Variants in CSNK1D observed in about 807,000 individuals in gnomAD.
CSNK1D encodes the protein casein kinase I isoform delta.
A neutral mutation model predicts 46.6 loss-of-function variants in CSNK1D; 16 were observed. That is an observed-to-expected ratio of 0.34 (90% CI 0.23 to 0.52). The LOEUF is 0.52. CSNK1D is among the 20% of genes least tolerant of loss of function. CSNK1D has a pLI of 0.95. For synonymous variants in CSNK1D, 276 were observed against 228.2 expected (o/e 1.21, Z -1.89); for missense variants, 398 against 578.4 (o/e 0.69, Z 3.20).
In CSNK1D at chr17:82,260,328, G is replaced by GACT. The variant is rs1037113663; in HGVS notation, c.188-4754_188-4752dup. ...TGACTGATGGTGTACTGAGTGATGT[G>GACT]ACTGATGGTGTACTGACTGATGTGA... On this transcript the variant is annotated intron_variant, in intron 2 of 8. Transcript: ENST00000314028. Among the ~76,000 whole-genome samples the GACT allele has an allele frequency of 5.0e-5, 7 of 139,302 alleles. No homozygotes were observed. The East Asian group carries it at 5.8e-4, about 12-fold the overall frequency. The allele number at this position is 139,302 out of a possible 152,430, so 91.4% of individuals were successfully genotyped here.
chr17:82,240,253 T>C (rs1357914485), downstream of CSNK1D, among the ~76,000 whole-genome samples: 4 of 152,176 alleles, frequency 2.6e-5, no homozygotes, highest in Admixed American at 6.5e-5. Context: ...GGTCAGACTC[T>C]GCACAGCTAG....
In CSNK1D at chr17:82,243,291, C is replaced by T; in HGVS notation, c.*1490G>A. 2 of 985,522 alleles carry T rather than the reference C, an allele frequency of 2.0e-6. No individual in the cohort carries two copies. Among genetic ancestry groups the T allele is most frequent in the Non-Finnish European group, 2.4e-6 (2 of 829,986 alleles). 61.0% of individuals were successfully genotyped at this position (985,522 alleles called of 1,614,324 possible). A position where few individuals can be genotyped will look rare whatever the true frequency, so the allele number is the denominator to read the frequency against. ...AACCAAGGTGCACACCTTCGAAGCC[C>T]TAGAGTCCAAAGGGAACATCGTCCA... On this transcript the variant is annotated 3_prime_UTR_variant, in exon 9 of 9. Transcript: ENST00000314028.
intron 2 of CSNK1D, among the ~76,000 whole-genome samples, chr17:82,263,065 A>C (rs1235378194): frequency 1.3e-5 from 2 of 152,198 alleles, no homozygotes; most frequent in African/African-American, 4.8e-5. Flanking sequence ...CTGTAATCCC[A>C]GCTACTCCAG....
chr17:82,249,927 C>G lies in CSNK1D; in HGVS notation c.886-325G>C, dbSNP rs918938026. 9 of 1,301,542 alleles carry G rather than the reference C, an allele frequency of 6.9e-6. No homozygotes were observed. In the African/African-American group the frequency reaches 1.4e-4, roughly 20 times the overall value. The allele number at this position is 1,301,542 out of a possible 1,614,324, so 80.6% of individuals were successfully genotyped here. ...TGCTCTGTGAACATGCTCACTAACACGTGCAGAAAGAGGAGAGGGACAGGA... is the reference window on the plus strand; with the variant it reads ...TGCTCTGTGAACATGCTCACTAACAGGTGCAGAAAGAGGAGAGGGACAGGA... On this transcript the variant is annotated intron_variant, in intron 6 of 8. Transcript: ENST00000314028. This position sits in a 1 kb window ranked among gnomAD's most constrained non-coding sequence, Gnocchi z 6.7.
At position 82,273,517 on chromosome 17, in the gene CSNK1D, G is replaced by A. The variant is rs1002195162; in HGVS notation, c.-136C>T. 4 of 1,087,102 alleles carry A rather than the reference G, an allele frequency of 3.7e-6. No homozygotes were observed. The highest frequency in any genetic ancestry group is 1.4e-5 in the South Asian group (1 of 70,104). The allele number at this position is 1,087,102 out of a possible 1,614,324, so 67.3% of individuals were successfully genotyped here. ...CCCTCACGGCCCCGCTTTCACCATC[G>A]CTTTCCTGTCGCCCCGCCGCTCCCA... On this transcript the variant is annotated 5_prime_UTR_variant, in exon 1 of 9. Coordinates refer to ENST00000314028, the MANE Select transcript of CSNK1D (RefSeq NM_001893.6). This position sits in a 1 kb window ranked among gnomAD's most constrained non-coding sequence, Gnocchi z 5.1.
chr17:82,252,195 C>T lies in CSNK1D; in HGVS notation c.736+239G>A, dbSNP rs1470142259. ...CTGAGGCTCGGGCCTGCCTTGCCTG[C>T]CATCTCTCCAGGGCCTCCAAGTACT... On this transcript the variant is annotated intron_variant, in intron 5 of 8. Coordinates refer to ENST00000314028, the MANE Select transcript of CSNK1D (RefSeq NM_001893.6). This position sits in a 1 kb window ranked among gnomAD's most constrained non-coding sequence, Gnocchi z 4.6. Among the ~76,000 whole-genome samples the T allele has an allele frequency of 1.3e-5, 2 of 152,222 alleles. No homozygotes were observed. Among genetic ancestry groups the T allele is most frequent in the African/African-American group, 2.4e-5 (1 of 41,452 alleles).
At chr17:82,259,551 G>A (rs985831689) in intron 2 of CSNK1D, among the ~76,000 whole-genome samples, 8 of 152,214 alleles carry the variant, frequency 5.3e-5, no homozygotes, top group Admixed American at 1.3e-4. Context: ...CTGCAGAACT[G>A]GACATTTGCA....
rs768375287 is a variant in CSNK1D at position 82,253,183 on chromosome 17, T to G, written c.398A>C (p.Asn133Thr). Residue 133 changes from asparagine to threonine, a missense_variant, in exon 4 of 9, where the codon AAC becomes ACC. Coordinates refer to ENST00000314028, the MANE Select transcript of CSNK1D (RefSeq NM_001893.6). ...CTTCTTCCCCAGGCCCATGAGGAAG[T>G]TGTCTGGCTTCACATCCCGGTGGAT... is the stretch of plus-strand genomic sequence containing the variant. Reference protein sequence around the residue: ...NFIHRDVKPDNFLMGLGKKGN... With the variant: ...NFIHRDVKPDTFLMGLGKKGN... The G allele has an allele frequency of 6.2e-7, 1 of 1,614,016 alleles. No homozygotes were observed.
In CSNK1D at chr17:82,253,179, G is replaced by A. The variant is rs531474812; in HGVS notation, c.402C>T (p.Phe134=). 2.2e-5 allele frequency: 35 copies of A among 1,614,018 alleles called. No individual in the cohort carries two copies. The South Asian group carries it at 3.6e-4, about 17-fold the overall frequency. Residue 134 remains phenylalanine (F), a synonymous_variant, in exon 4 of 9, where the codon TTC becomes TTT. Coordinates refer to ENST00000314028, the MANE Select transcript of CSNK1D (RefSeq NM_001893.6). The part of the protein sequence containing the change: ...FIHRDVKPDN[F]LMGLGKKGNL... ...TGCCCTTCTTCCCCAGGCCCATGAG[G>A]AAGTTGTCTGGCTTCACATCCCGGT...
intron 8 of CSNK1D, chr17:82,246,444 G>C: frequency 4.3e-6 from 5 of 1,157,156 alleles, no homozygotes; most frequent in Non-Finnish European, 5.4e-6. Flanking sequence ...CTGGGCAGGA[G>C]TTGATCAAAG....
Position 82,252,983 on chromosome 17 carries a change from C to A in CSNK1D, c.565+33G>T. 1 of 1,601,244 alleles carries A rather than the reference C, an allele frequency of 6.2e-7. No homozygotes were observed. Among genetic ancestry groups the A allele is most frequent in the African/African-American group, 1.3e-5 (1 of 74,796 alleles). ...GAGGCATGGACGCGCCCAAAGGCAC[C>A]CCAGGTCAGTGACCCCATGCCCAGG... On this transcript the variant is annotated intron_variant, in intron 4 of 8. Transcript: ENST00000314028. This position sits in a 1 kb window ranked among gnomAD's most constrained non-coding sequence, Gnocchi z 4.6.
downstream of CSNK1D, among the ~76,000 whole-genome samples, chr17:82,241,933 A>T (rs1232896201): frequency 1.3e-5 from 2 of 152,086 alleles, no homozygotes; most frequent in African/African-American, 2.4e-5. Context: ...TCTTAGAGCA[A>T]CCTCCAGGCA....
intron 1 of CSNK1D, chr17:82,267,080 AAG>A (rs2051495486): frequency 2.0e-5 from 3 of 151,082 alleles, no homozygotes; most frequent in Admixed American, 1.3e-4. Flanking sequence ...AAAAAAAAAA[AAG>A]GACACTGGAT....
In CSNK1D at chr17:82,257,436, G is replaced by GT. The variant is rs1026342215; in HGVS notation, c.188-1860dup. ...CTCAGCGTCAAAAAGAGATGCTATT[G>GT]TTTTTTTTTAAAGTGTTAAAGTTAC... On this transcript the variant is annotated intron_variant, in intron 2 of 8. Transcript: ENST00000314028. Among the ~76,000 whole-genome samples, 6 of 151,376 alleles carry GT rather than the reference G, an allele frequency of 4.0e-5. No individual in the cohort carries two copies. In the East Asian group the frequency reaches 5.8e-4, roughly 15 times the overall value.
chr17:82,245,443 C>T (rs888899236), intron 8 of CSNK1D: 53 of 209,376 alleles, frequency 2.5e-4, no homozygotes, highest in African/African-American at 1.2e-3. Flanking sequence ...TGAAAAGAAA[C>T]ACAAAACAAG....
chr17:82,258,867 C>A (rs953257980), intron 2 of CSNK1D, among the ~76,000 whole-genome samples: 4 of 152,326 alleles, frequency 2.6e-5, no homozygotes, highest in African/African-American at 7.2e-5. Flanking sequence ...AAGCCCTTCT[C>A]GTGGCCAGAA....
In CSNK1D at chr17:82,243,449, G is replaced by A; in HGVS notation, c.*1332C>T. The A allele has an allele frequency of 1.0e-6, 1 of 985,556 alleles. No homozygotes were observed. The highest frequency in any genetic ancestry group is 1.2e-6 in the Non-Finnish European group (1 of 830,000). 61.1% of individuals were successfully genotyped at this position (985,556 alleles called of 1,614,324 possible). A position where few individuals can be genotyped will look rare whatever the true frequency, so the allele number is the denominator to read the frequency against. ...GAGAAGGCATCCTGGGAACCTCAGGGCACAGCAGCATGGAGCCTGGGGCAG... is the reference window on the plus strand; with the variant it reads ...GAGAAGGCATCCTGGGAACCTCAGGACACAGCAGCATGGAGCCTGGGGCAG... On this transcript the variant is annotated 3_prime_UTR_variant, in exon 9 of 9. Coordinates refer to ENST00000314028, the MANE Select transcript of CSNK1D (RefSeq NM_001893.6).
Position 82,243,879 on chromosome 17 carries a change from T to C in CSNK1D, c.*902A>G. On this transcript the variant is annotated 3_prime_UTR_variant, in exon 9 of 9. Coordinates refer to ENST00000314028, the MANE Select transcript of CSNK1D (RefSeq NM_001893.6). The stretch of plus-strand genomic sequence containing the variant: ...AGGGACCAGAAACGCATCTTCCACC[T>C]TGAATCCTGGGACTCCCAATTGTCC... The C allele has an allele frequency of 1.0e-6, 1 of 985,658 alleles. No homozygotes were observed. 61.1% of individuals were successfully genotyped at this position (985,658 alleles called of 1,614,324 possible).
At chr17:82,263,152 C>G (rs1354097381) in intron 2 of CSNK1D, among the ~76,000 whole-genome samples, 1 of 152,196 alleles carries the variant, frequency 6.6e-6, no homozygotes, top group Non-Finnish European at 1.5e-5. Flanking sequence ...TGCACTCCAT[C>G]CTGGGCAACG....
Sources: allele counts gnomAD v4.1 joint callset (sites outside exome capture counted in the v4.1 genomes callset), GRCh38; gene constraint gnomAD v4.1.1; non-coding constraint Gnocchi (gnomAD v3.1); transcripts MANE v1.5; gene names NCBI Gene and HGNC (gene_info 2026-07-23, HGNC 2026-07-21).